Variants in FOXK2 observed in about 807,000 individuals in gnomAD.
FOXK2 encodes the protein forkhead box protein K2.
In FOXK2, 24 loss-of-function variants were observed where a neutral mutation model predicts 53.3. The ratio of observed to expected loss-of-function variants is 0.45; its 90% CI spans 0.33 to 0.63. The LOEUF is 0.63. Ranked by LOEUF, FOXK2 falls within the 30% of genes least tolerant of loss-of-function variation. The pLI, the probability that FOXK2 is intolerant of heterozygous loss-of-function variation, is 0.03. For synonymous variants in FOXK2, 505 were observed against 407.1 expected (o/e 1.24, Z -2.89); for missense variants, 952 against 910.5 (o/e 1.05, Z -0.59).
At chr17:82,522,164 C>G (rs2044369807) in intron 1 of FOXK2, among the ~76,000 whole-genome samples, 1 of 150,542 alleles carries the variant, frequency 6.6e-6, no homozygotes, top group Non-Finnish European at 1.5e-5. Context: ...TCTCTGTGAC[C>G]TAGCCTGGAG....
chr17:82,563,046 A>G (rs1478003696), intron 1 of FOXK2, among the ~76,000 whole-genome samples: 1 of 152,156 alleles, frequency 6.6e-6, no homozygotes, highest in Non-Finnish European at 1.5e-5. Flanking sequence ...GACCCAAGTC[A>G]TCGGCCTGCC....
intron 8 of FOXK2, chr17:82,599,535 C>T (rs746676639): frequency 6.6e-6 from 1 of 152,288 alleles, no homozygotes; most frequent in Admixed American, 6.5e-5. Flanking sequence ...GGGAACACAC[C>T]TCTGTGGCCT....
At chr17:82,524,435 A>C (rs2044397482) in intron 1 of FOXK2, among the ~76,000 whole-genome samples, 1 of 152,186 alleles carries the variant, frequency 6.6e-6, no homozygotes, top group African/African-American at 2.4e-5. Context: ...ATAATAATGT[A>C]TTAATGTGGG....
At chr17:82,576,746 A>G (rs1282407304) in intron 4 of FOXK2, 2 of 707,436 alleles carry the variant, frequency 2.8e-6, no homozygotes, top group South Asian at 1.8e-5. Flanking sequence ...ACGTAGCAGC[A>G]TGTCGAATAT....
chr17:82,554,847 C>G (rs1258221613), intron 1 of FOXK2, among the ~76,000 whole-genome samples: 1 of 151,860 alleles, frequency 6.6e-6, no homozygotes, highest in Non-Finnish European at 1.5e-5. Context: ...CACGTTCAAG[C>G]AATTCTTCCT....
chr17:82,601,140 T>G, intron 8 of FOXK2, 163 bp from the exon 9 acceptor site: 1 of 747,440 alleles, frequency 1.3e-6, no homozygotes, highest in Non-Finnish European at 2.1e-6. Context: ...TGGGGTCTTG[T>G]GGGAGCCTCC....
chr17:82,565,072 A>G (rs1018161263), intron 2 of FOXK2, among the ~76,000 whole-genome samples: 3 of 152,142 alleles, frequency 2.0e-5, no homozygotes, highest in East Asian at 1.9e-4. Context: ...TGCCCACACC[A>G]TTCATTCAGA....
intron 1 of FOXK2, among the ~76,000 whole-genome samples, chr17:82,539,187 C>T (rs1391843547): frequency 1.4e-5 from 2 of 146,696 alleles, no homozygotes; most frequent in Non-Finnish European, 3.0e-5. Context: ...TGTAAGGTGG[C>T]CGGGCGTGGT....
intron 8 of FOXK2, among the ~76,000 whole-genome samples, chr17:82,590,503 G>T (rs1353507932): frequency 1.3e-5 from 2 of 152,114 alleles, no homozygotes; most frequent in Non-Finnish European, 2.9e-5. Flanking sequence ...CTTCTTTGAA[G>T]AAATTTTTTT....
intron 1 of FOXK2, among the ~76,000 whole-genome samples, chr17:82,544,859 C>T (rs2044608459): frequency 6.6e-6 from 1 of 152,068 alleles, no homozygotes; most frequent in South Asian, 2.1e-4. Context: ...GTGCTACTGT[C>T]TGTCCCCCTT....
chr17:82,569,990 AGGTG>A, intron 3 of FOXK2, among the ~76,000 whole-genome samples: 1 of 152,258 alleles, frequency 6.6e-6, no homozygotes, highest in Non-Finnish European at 1.5e-5. Context: ...TGGGAGGCCA[AGGTG>A]GGCGGATCAC....
At chr17:82,598,176 T>TTCTG (rs1387172599) in intron 8 of FOXK2, among the ~76,000 whole-genome samples, 2 of 152,256 alleles carry the variant, frequency 1.3e-5, no homozygotes, top group African/African-American at 4.8e-5. Context: ...AACTTATTCC[T>TTCTG]TCTGTCTAGC....
intron 4 of FOXK2, chr17:82,576,674 TA>T: frequency 1.7e-6 from 2 of 1,147,312 alleles, no homozygotes; most frequent in Non-Finnish European, 2.6e-6. Flanking sequence ...AAGTCACCAC[TA>T]AGCCACTGCT....
intron 2 of FOXK2, among the ~76,000 whole-genome samples, chr17:82,567,360 C>T (rs62078135): frequency 0.26 from 39,337 of 152,128 alleles, 5,399 homozygotes; most frequent in East Asian, 0.39. Context: ...CAGAAATGCA[C>T]GTGCCCTTTA....
intron 1 of FOXK2, among the ~76,000 whole-genome samples, chr17:82,543,552 A>G (rs1312644321): frequency 6.6e-6 from 1 of 152,184 alleles, no homozygotes; most frequent in Non-Finnish European, 1.5e-5. Context: ...GCTTGTTTGA[A>G]TAGTTCTGGG....
intron 4 of FOXK2, among the ~76,000 whole-genome samples, chr17:82,582,285 C>T (rs546716716): frequency 9.2e-5 from 14 of 152,296 alleles, no homozygotes; most frequent in Admixed American, 7.2e-4. Context: ...CCTCTGTCTG[C>T]GCTGTGTGGA....
intron 1 of FOXK2, among the ~76,000 whole-genome samples, chr17:82,525,737 C>G (rs555008772): frequency 2.4e-4 from 37 of 152,288 alleles, no homozygotes; most frequent in Non-Finnish European, 4.9e-4. Context: ...ATAAATAGAA[C>G]AAGTTGAATT....
chr17:82,553,095 C>G (rs953848048), intron 1 of FOXK2, among the ~76,000 whole-genome samples: 1 of 152,168 alleles, frequency 6.6e-6, no homozygotes, highest in Non-Finnish European at 1.5e-5. Context: ...GCCACCACAC[C>G]TGGCTGATTT....
intron 1 of FOXK2, among the ~76,000 whole-genome samples, chr17:82,561,866 T>G (rs1598212810): frequency 6.9e-6 from 1 of 144,656 alleles, no homozygotes; most frequent in African/African-American, 2.6e-5. Context: ...AGGCTGGAGG[T>G]GCCCCTAGGG....
Sources: allele counts gnomAD v4.1 joint callset (sites outside exome capture counted in the v4.1 genomes callset), GRCh38; gene constraint gnomAD v4.1.1; transcripts MANE v1.5; gene names NCBI Gene and HGNC (gene_info 2026-07-23, HGNC 2026-07-21).